WDR82: variants seen among roughly 807,000 people sequenced by gnomAD.
WDR82 encodes the protein WD repeat domain 82.
WDR82 carries 8 observed loss-of-function variants against 36.1 expected under a neutral mutation model. That is an observed-to-expected ratio of 0.22 (90% CI 0.13 to 0.40). The LOEUF is 0.40. Among genes scored for constraint, WDR82 ranks in the 10% least tolerant of loss-of-function variants. The probability of loss-of-function intolerance (pLI) is 1.00; values close to 1 mark genes in which losing one functional copy is unlikely to be tolerated. For missense variants in WDR82, 185 were observed against 400.5 expected (o/e 0.46, Z 4.59); for synonymous variants, 129 against 137.8 (o/e 0.94, Z 0.45).
At chr3:52,261,125 CAAAACA>C (rs1214573815) in intron 4 of WDR82, among the ~76,000 whole-genome samples, 3 of 151,996 alleles carry the variant, frequency 2.0e-5, no homozygotes, top group Admixed American at 6.6e-5. Flanking sequence ...AACCCTGTCT[CAAAACA>C]AAAACAAAAA....
At position 52,256,653 on chromosome 3, in the gene WDR82, A is replaced by AC. The variant is rs1700012335; in HGVS notation, c.*836dup. 1 of 153,622 alleles carries AC rather than the reference A, an allele frequency of 6.5e-6. No individual in the cohort carries two copies. The highest frequency in any genetic ancestry group is 6.6e-5 in the Admixed American group (1 of 15,264). The allele number at this position is 153,622 out of a possible 1,614,324, so 9.5% of individuals were successfully genotyped here. On this transcript the variant is annotated 3_prime_UTR_variant, in exon 9 of 9. Transcript: ENST00000296490. ...ATCTCATGTACAAAAATAGACTCCC[A>AC]CCTTGCTTTTGTACAAACCAAGCTT...
chr3:52,270,506 CTT>C (rs1350305482), intron 2 of WDR82, among the ~76,000 whole-genome samples: 1 of 152,244 alleles, frequency 6.6e-6, no homozygotes, highest in Non-Finnish European at 1.5e-5. Flanking sequence ...GAATTGAAGA[CTT>C]TTCATACTCA....
chr3:52,263,484 A>C (rs1700079117), intron 3 of WDR82, among the ~76,000 whole-genome samples: 1 of 152,222 alleles, frequency 6.6e-6, no homozygotes, highest in Admixed American at 6.5e-5. Context: ...CCATTAAGAG[A>C]GATTGTGAAG....
In WDR82 at chr3:52,257,137, G is replaced by C; in HGVS notation, c.*353C>G. ...AGTTGGAGGGTAGAAGGGATGTGCG[G>C]AACTGATGACTTCACCGGCTCCTCA... On this transcript the variant is annotated 3_prime_UTR_variant, in exon 9 of 9. Coordinates refer to ENST00000296490, the MANE Select transcript of WDR82 (RefSeq NM_025222.4). 1 of 305,394 alleles carries C rather than the reference G, an allele frequency of 3.3e-6. No homozygotes were observed. Among genetic ancestry groups the C allele is most frequent in the South Asian group, 4.1e-5 (1 of 24,262 alleles). The allele number at this position is 305,394 out of a possible 1,614,324, so 18.9% of individuals were successfully genotyped here. A position where few individuals can be genotyped will look rare whatever the true frequency, so the allele number is the denominator to read the frequency against.
chr3:52,258,778 A>G, intron 7 of WDR82, 100 bp from the exon 8 acceptor site: 2 of 1,542,170 alleles, frequency 1.3e-6, no homozygotes, highest in Non-Finnish European at 1.8e-6. Context: ...GCCAAGCTTT[A>G]GGACCCATCC....
intron 1 of WDR82, 21 bp from the exon 2 acceptor site, chr3:52,270,830 G>C: frequency 6.5e-7 from 1 of 1,534,002 alleles, no homozygotes. Context: ...AATAGAGACA[G>C]AAAATCATGA....
At chr3:52,258,468 G>T (rs1434663773) in intron 8 of WDR82, 68 bp downstream of exon 8, 4 of 1,587,804 alleles carry the variant, frequency 2.5e-6, no homozygotes, top group Non-Finnish European at 3.5e-6. Flanking sequence ...TGCTGTGCTT[G>T]TTGAGGCACC....
chr3:52,269,752 A>G (rs187406376), intron 2 of WDR82, among the ~76,000 whole-genome samples: 16 of 152,308 alleles, frequency 1.1e-4, no homozygotes, highest in African/African-American at 3.9e-4. Context: ...CAGACAAACA[A>G]AAGAAAATAA....
intron 2 of WDR82, among the ~76,000 whole-genome samples, chr3:52,269,667 T>G (rs1578009879): frequency 6.6e-6 from 1 of 151,920 alleles, no homozygotes; most frequent in Non-Finnish European, 1.5e-5. Context: ...GAGGCGGAGG[T>G]TGCAGCGAGC....
chr3:52,258,967 T>C (rs1700036349), intron 7 of WDR82, among the ~76,000 whole-genome samples: 2 of 152,162 alleles, frequency 1.3e-5, no homozygotes. Context: ...TGACTGAATG[T>C]AGGGTTACAC....
chr3:52,266,496 G>GA (rs1700108072), intron 3 of WDR82, among the ~76,000 whole-genome samples: 1 of 152,098 alleles, frequency 6.6e-6, no homozygotes, highest in Non-Finnish European at 1.5e-5. Context: ...GGAGTGCAGT[G>GA]GCGCGATCTC....
intron 8 of WDR82, among the ~76,000 whole-genome samples, chr3:52,258,196 G>C (rs148318269): frequency 6.6e-6 from 1 of 152,304 alleles, no homozygotes; most frequent in East Asian, 1.9e-4. Flanking sequence ...ACCACAAAAG[G>C]CCGGTTCAGA....
At chr3:52,257,733 T>C (rs143246769) in intron 8 of WDR82, among the ~76,000 whole-genome samples, 7 of 152,114 alleles carry the variant, frequency 4.6e-5, no homozygotes, top group African/African-American at 1.7e-4. Context: ...ATAATCACTG[T>C]CCACCTTCCA....
rs760066127 is a variant in WDR82 at position 52,257,266 on chromosome 3, G to A, written c.*224C>T. On this transcript the variant is annotated 3_prime_UTR_variant, in exon 9 of 9. Coordinates refer to ENST00000296490, the MANE Select transcript of WDR82 (RefSeq NM_025222.4). ...GCTTGGTGCAGTGACAGTTAGAAAA[G>A]CTGAGTTCCAATTGAGTCTGTTGCA... The A allele has an allele frequency of 3.3e-6, 2 of 606,158 alleles. No individual in the cohort carries two copies. Among genetic ancestry groups the A allele is most frequent in the Non-Finnish European group, 5.8e-6 (2 of 347,464 alleles). The allele number at this position is 606,158 out of a possible 1,614,324, so 37.5% of individuals were successfully genotyped here. A position where few individuals can be genotyped will look rare whatever the true frequency, so the allele number is the denominator to read the frequency against.
chr3:52,264,195 G>A (rs1161431368), intron 3 of WDR82, among the ~76,000 whole-genome samples: 1 of 152,106 alleles, frequency 6.6e-6, no homozygotes, highest in Non-Finnish European at 1.5e-5. Context: ...ACCTGTAGGT[G>A]GAAGGCGGGT....
intron 2 of WDR82, among the ~76,000 whole-genome samples, chr3:52,269,566 T>C (rs1700135496): frequency 6.6e-6 from 1 of 151,162 alleles, no homozygotes; most frequent in Admixed American, 6.6e-5. Context: ...CTGTCTCTAC[T>C]AAAAATACAA....
At chr3:52,267,114 T>C in intron 2 of WDR82, 96 bp from the exon 3 acceptor site, 2 of 954,276 alleles carry the variant, frequency 2.1e-6, no homozygotes, top group Admixed American at 1.9e-5. Flanking sequence ...AATAATCCAT[T>C]GTATTCTATA....
intron 3 of WDR82, among the ~76,000 whole-genome samples, chr3:52,264,033 C>T (rs1348261950): frequency 1.3e-5 from 2 of 152,002 alleles, no homozygotes; most frequent in African/African-American, 2.4e-5. Context: ...CATGATGGTG[C>T]GTGCCTGTAA....
chr3:52,259,942 T>C (rs1700045981), intron 5 of WDR82, 70 bp from the exon 6 acceptor site: 1 of 1,518,750 alleles, frequency 6.6e-7, no homozygotes, highest in African/African-American at 1.4e-5. Flanking sequence ...ATTCCCATCC[T>C]ATTCCTTTAG....
Sources: gnomAD v4.1 joint callset for allele counts (sites outside exome capture counted in the v4.1 genomes callset) on GRCh38, gnomAD v4.1.1 for gene constraint, MANE v1.5 for transcripts, NCBI Gene and HGNC (gene_info 2026-07-23, HGNC 2026-07-21) for gene names.